Variants in CIPC observed in about 807,000 individuals in gnomAD.
CIPC encodes the protein CLOCK-interacting pacemaker.
A neutral mutation model predicts 26.7 loss-of-function variants in CIPC; 12 were observed. That is an observed-to-expected ratio of 0.45 (90% CI 0.29 to 0.73). The LOEUF (loss-of-function observed/expected upper bound fraction) is 0.73, where lower values mean the gene tolerates loss of function less well. Among genes scored for constraint, CIPC ranks in the 30% least tolerant of loss-of-function variants. The pLI is 0.12. For synonymous variants in CIPC, 170 were observed against 189.8 expected (o/e 0.90, Z 0.86); for missense variants, 417 against 486.5 (o/e 0.86, Z 1.34).
In CIPC at chr14:77,114,954, C is replaced by G. The variant is rs962199311; in HGVS notation, c.*636C>G. ...TGACTCCTACACTTTCATTACAAGT[C>G]AGATTTTTCTTAAACTAGCAGGCAA... On this transcript the variant is annotated 3_prime_UTR_variant, in exon 4 of 4. Coordinates refer to ENST00000361786, the MANE Select transcript of CIPC (RefSeq NM_033426.3). 6 of 152,194 alleles carry G rather than the reference C, an allele frequency of 3.9e-5. No homozygotes were observed. Among genetic ancestry groups the G allele is most frequent in the Non-Finnish European group, 8.8e-5 (6 of 68,042 alleles). 9.4% of individuals were successfully genotyped at this position (152,194 alleles called of 1,614,324 possible).
chr14:77,100,141 A>G (rs1232050136), intron 1 of CIPC, among the ~76,000 whole-genome samples: 1 of 152,242 alleles, frequency 6.6e-6, no homozygotes, highest in Non-Finnish European at 1.5e-5. Flanking sequence ...GAAGTGCAAA[A>G]AGAGTAGTAA....
At chr14:77,105,232 G>A (rs189538021) in intron 1 of CIPC, among the ~76,000 whole-genome samples, 48 of 152,166 alleles carry the variant, frequency 3.2e-4, no homozygotes, top group South Asian at 2.1e-3. Context: ...CAAGCCTTGC[G>A]GTGTCTCTTT....
At position 77,107,011 on chromosome 14, in the gene CIPC, C is replaced by T. The variant is rs577863362; in HGVS notation, c.136+1167C>T. Among the ~76,000 whole-genome samples the T allele has an allele frequency of 3.3e-5, 5 of 152,316 alleles. No individual in the cohort carries two copies. The East Asian group carries it at 9.6e-4, about 29-fold the overall frequency. On this transcript the variant is annotated intron_variant, in intron 2 of 3. Coordinates refer to ENST00000361786, the MANE Select transcript of CIPC (RefSeq NM_033426.3). ...AAATATTGATCACCAGATCTCCCTC[C>T]TGGAGACTCTTTCAAGGGTCTGGAC... is the stretch of plus-strand genomic sequence containing the variant.
intron 1 of CIPC, among the ~76,000 whole-genome samples, chr14:77,100,332 C>T (rs57939968): frequency 0.18 from 26,558 of 149,174 alleles, 2,427 homozygotes; most frequent in East Asian, 0.21. Flanking sequence ...ATCTCTGCCT[C>T]CCAGGTTCAA....
In CIPC at chr14:77,115,172, G is replaced by C. The variant is rs1004372377; in HGVS notation, c.*854G>C. On this transcript the variant is annotated 3_prime_UTR_variant, in exon 4 of 4. Transcript: ENST00000361786. ...TTTGAAACAGTGTAACCTGTTTTAT[G>C]TCTAAAAATCTTAAGGATAGTTTCA... is the stretch of plus-strand genomic sequence containing the variant. 6.6e-6 allele frequency: 1 copy of C among 150,484 alleles called. No individual in the cohort carries two copies. The highest frequency in any genetic ancestry group is 1.5e-5 in the Non-Finnish European group (1 of 67,762). The allele number at this position is 150,484 out of a possible 1,614,324, so 9.3% of individuals were successfully genotyped here. A position where few individuals can be genotyped will look rare whatever the true frequency, so the allele number is the denominator to read the frequency against.
chr14:77,103,339 C>T (rs1335240561), intron 1 of CIPC, among the ~76,000 whole-genome samples: 2 of 152,150 alleles, frequency 1.3e-5, no homozygotes, highest in African/African-American at 4.8e-5. Flanking sequence ...CTTATATTAG[C>T]AGGAATGTCC....
rs147333422 is a variant in CIPC, at chr14:77,106,079, T to TA, written c.136+236dup. ...TTTTTTCAACTTAGACTCTGAATCT[T>TA]ACACTTCCAACTATTGCAATTGGTC... On this transcript the variant is annotated intron_variant, in intron 2 of 3. Transcript: ENST00000361786. 3,195 of 340,792 alleles carry TA rather than the reference T, an allele frequency of 9.4e-3. 222 individuals carry two copies. The East Asian group carries it at 0.13, about 14-fold the overall frequency. The allele number at this position is 340,792 out of a possible 1,614,324, so 21.1% of individuals were successfully genotyped here.
chr14:77,105,019 C>T (rs1484027194), intron 1 of CIPC, among the ~76,000 whole-genome samples: 4 of 152,128 alleles, frequency 2.6e-5, no homozygotes, highest in Admixed American at 1.3e-4. Context: ...CTAATAGCAA[C>T]GCATATTATA....
At chr14:77,110,941 A>G (rs1003837690) in intron 3 of CIPC, among the ~76,000 whole-genome samples, 5 of 152,220 alleles carry the variant, frequency 3.3e-5, no homozygotes, top group African/African-American at 4.8e-5. Flanking sequence ...GAGGAACACA[A>G]ACTGATTTTC....
intron 2 of CIPC, among the ~76,000 whole-genome samples, chr14:77,106,921 TTCTC>T (rs1886601673): frequency 6.6e-6 from 1 of 152,148 alleles, no homozygotes; most frequent in Non-Finnish European, 1.5e-5. Flanking sequence ...TGGATTTTTC[TTCTC>T]TCTCTCAGCA....
chr14:77,106,752 A>T (rs1886598134), intron 2 of CIPC, among the ~76,000 whole-genome samples: 1 of 152,222 alleles, frequency 6.6e-6, no homozygotes, highest in African/African-American at 2.4e-5. Flanking sequence ...TTAGATTGGC[A>T]TATTTTCTCC....
chr14:77,109,454 A>G (rs1160932505), intron 2 of CIPC, among the ~76,000 whole-genome samples: 1 of 152,178 alleles, frequency 6.6e-6, no homozygotes, highest in African/African-American at 2.4e-5. Flanking sequence ...CTCCTTTCTC[A>G]ACATAGATTC....
At chr14:77,110,276 CA>C (rs962415581) in intron 3 of CIPC, among the ~76,000 whole-genome samples, 1 of 151,952 alleles carries the variant, frequency 6.6e-6, no homozygotes, top group African/African-American at 2.4e-5. Context: ...ATAAAGGAAC[CA>C]AGCAGAAATG....
chr14:77,100,096 C>T (rs775325099), intron 1 of CIPC: 7 of 152,020 alleles, frequency 4.6e-5, no homozygotes, highest in African/African-American at 1.7e-4. Context: ...AAAAACAACT[C>T]GAGGTTGAGG....
rs1427500224 is a variant in CIPC at position 77,115,175 on chromosome 14, TA to T, written c.*862del. ...GAAACAGTGTAACCTGTTTTATGTC[TA>T]AAAATCTTAAGGATAGTTTCAGTGG... On this transcript the variant is annotated 3_prime_UTR_variant, in exon 4 of 4. Coordinates refer to ENST00000361786, the MANE Select transcript of CIPC (RefSeq NM_033426.3). 1 of 152,028 alleles carries T rather than the reference TA, an allele frequency of 6.6e-6. No homozygotes were observed. The highest frequency in any genetic ancestry group is 1.5e-5 in the Non-Finnish European group (1 of 68,010). The allele number at this position is 152,028 out of a possible 1,614,324, so 9.4% of individuals were successfully genotyped here.
At chr14:77,108,685 C>CT (rs1230969863) in intron 2 of CIPC, among the ~76,000 whole-genome samples, 1 of 150,952 alleles carries the variant, frequency 6.6e-6, no homozygotes, top group Non-Finnish European at 1.5e-5. Flanking sequence ...GAGCGAAACT[C>CT]TGTCTCAAAA....
At chr14:77,098,538 G>A (rs1285206568) in intron 1 of CIPC, 177 bp downstream of exon 1, 1 of 153,304 alleles carries the variant, frequency 6.5e-6, no homozygotes, top group Non-Finnish European at 1.5e-5. Context: ...TGGGAGCAGG[G>A]CTTTGGTTTG....
intron 1 of CIPC, among the ~76,000 whole-genome samples, chr14:77,102,087 A>C (rs1337396185): frequency 1.6e-5 from 2 of 122,838 alleles, no homozygotes; most frequent in African/African-American, 5.3e-5. Context: ...TCCATCTATA[A>C]ATAAAAAACA....
intron 2 of CIPC, among the ~76,000 whole-genome samples, chr14:77,107,828 C>T (rs752966383): frequency 2.6e-5 from 4 of 152,012 alleles, no homozygotes; most frequent in Non-Finnish European, 5.9e-5. Flanking sequence ...ACTCCATATT[C>T]AGATTTTCCC....
Sources: allele counts gnomAD v4.1 joint callset (sites outside exome capture counted in the v4.1 genomes callset), GRCh38; gene constraint gnomAD v4.1.1; transcripts MANE v1.5; gene names NCBI Gene and HGNC (gene_info 2026-07-23, HGNC 2026-07-21).